PALS1: variants seen among roughly 807,000 people sequenced by gnomAD.
The protein encoded by PALS1 is protein PALS1.
In PALS1, 31 loss-of-function variants were observed where a neutral mutation model predicts 78.9. The ratio of observed to expected loss-of-function variants is 0.39; its 90% confidence interval spans 0.30 to 0.53. The LOEUF (loss-of-function observed/expected upper bound fraction) is 0.53, where lower values mean the gene tolerates loss of function less well. Ranked by LOEUF, PALS1 falls within the 20% of genes least tolerant of loss-of-function variation. The pLI, the probability that PALS1 is intolerant of heterozygous loss-of-function variation, is 0.67. For synonymous variants in PALS1, 276 were observed against 270.9 expected, an observed-to-expected ratio of 1.02 and a Z score of -0.18; for missense variants, 704 against 826.5, an observed-to-expected ratio of 0.85 and a Z score of 1.82.
chr14:67,297,146 C>T (rs1449690084), intron 4 of PALS1, among the ~76,000 whole-genome samples: 1 of 152,120 alleles, frequency 6.6e-6, no homozygotes, highest in Non-Finnish European at 1.5e-5. Context: ...TAGCATCTTC[C>T]CTAATGGTGA....
chr14:67,269,652 A>G (rs1474219446), intron 1 of PALS1, 49 bp from the exon 2 acceptor site: 1 of 152,512 alleles, frequency 6.6e-6, no homozygotes, highest in African/African-American at 2.4e-5. Flanking sequence ...CCCCCAAAAC[A>G]CTGCAGACAT....
chr14:67,283,802 G>C (rs949436701), intron 3 of PALS1, among the ~76,000 whole-genome samples: 1 of 152,130 alleles, frequency 6.6e-6, no homozygotes, highest in Non-Finnish European at 1.5e-5. Context: ...AAAAGTAACT[G>C]CTACATCATT....
chr14:67,301,874 A>G (rs2084936575), intron 5 of PALS1, 98 bp from the exon 6 acceptor site: 1 of 1,291,248 alleles, frequency 7.7e-7, no homozygotes, highest in African/African-American at 1.5e-5. Flanking sequence ...ACACTTTTAA[A>G]GATTTAATGG....
At chr14:67,323,472 G>A (rs1163019865) in intron 13 of PALS1, among the ~76,000 whole-genome samples, 2 of 151,576 alleles carry the variant, frequency 1.3e-5, no homozygotes, top group African/African-American at 2.4e-5. Flanking sequence ...AAAGTTAGCT[G>A]AACATGGTGG....
intron 1 of PALS1, among the ~76,000 whole-genome samples, chr14:67,244,466 GCTT>G (rs2083956610): frequency 6.6e-6 from 1 of 152,140 alleles, no homozygotes; most frequent in African/African-American, 2.4e-5. Flanking sequence ...TGATATAATT[GCTT>G]CTTTTCTTTA....
At chr14:67,265,715 G>A (rs1271150394) in intron 1 of PALS1, among the ~76,000 whole-genome samples, 1 of 151,854 alleles carries the variant, frequency 6.6e-6, no homozygotes, top group Non-Finnish European at 1.5e-5. Context: ...AAATTAACCA[G>A]TTGCAGTGAC....
intron 9 of PALS1, among the ~76,000 whole-genome samples, chr14:67,316,063 A>C (rs143985113): frequency 3.0e-4 from 46 of 152,356 alleles, no homozygotes; most frequent in African/African-American, 1.1e-3. Flanking sequence ...GATTTTTAAG[A>C]ATCTCTGGCT....
intron 1 of PALS1, among the ~76,000 whole-genome samples, chr14:67,246,649 G>T (rs1184569075): frequency 1.8e-5 from 2 of 112,212 alleles, no homozygotes; most frequent in Non-Finnish European, 1.7e-5. Flanking sequence ...CCTACTATAG[G>T]TTTTTTTTTT....
chr14:67,259,600 AGACT>A (rs1324568872), intron 1 of PALS1, among the ~76,000 whole-genome samples: 3 of 152,016 alleles, frequency 2.0e-5, no homozygotes, highest in African/African-American at 7.2e-5. Flanking sequence ...CAACAGAGCA[AGACT>A]GTCTCTAAAT....
At position 67,277,370 on chromosome 14, in the gene PALS1, A is replaced by G. The variant is rs548929760; in HGVS notation, c.-153-1648A>G. On this transcript the variant is annotated intron_variant, in intron 2 of 14. Transcript: ENST00000261681. ...CATCCATTTTCCTGATTGTTGGACT[A>G]GTGGTTTTCCTGATAGCCTAGTTGG... 2.6e-5 allele frequency among the ~76,000 whole-genome samples: 4 copies of G among 152,316 alleles called. No homozygotes were observed. In the East Asian group the frequency reaches 5.8e-4, roughly 22 times the overall value.
In PALS1 at chr14:67,333,614, A is replaced by G. The variant is rs1595628047; in HGVS notation, c.*658A>G. 1 of 152,568 alleles carries G rather than the reference A, an allele frequency of 6.6e-6. No homozygotes were observed. The highest frequency in any genetic ancestry group is 2.4e-5 in the African/African-American group (1 of 41,410). 9.5% of individuals were successfully genotyped at this position (152,568 alleles called of 1,614,324 possible). A position where few individuals can be genotyped will look rare whatever the true frequency, so the allele number is the denominator to read the frequency against. On this transcript the variant is annotated 3_prime_UTR_variant, in exon 15 of 15. Transcript: ENST00000261681. ...TTTTTGCTCAGACTTTGTGGATCAG[A>G]CTCTACACTCAACACACTCTAATCT...
At position 67,320,410 on chromosome 14, in the gene PALS1, G is replaced by A. The variant is rs1285729536; in HGVS notation, c.1537+13G>A. Reference sequence around the variant, plus strand: ...TCTGCAGTTCCTCGTAAGTTTGAATGCATTCCCATTTTCCTGTGCTTTTCA... The same window carrying A: ...TCTGCAGTTCCTCGTAAGTTTGAATACATTCCCATTTTCCTGTGCTTTTCA... On this transcript the variant is annotated intron_variant, in intron 12 of 14. Coordinates refer to ENST00000261681, the MANE Select transcript of PALS1 (RefSeq NM_022474.4). 1.3e-6 allele frequency: 2 copies of A among 1,579,498 alleles called. No homozygotes were observed. Among genetic ancestry groups the A allele is most frequent in the South Asian group, 2.3e-5 (2 of 85,302 alleles).
Position 67,302,020 on chromosome 14 carries a change from G to C in PALS1, c.703G>C (p.Glu235Gln), listed in dbSNP as rs150341271. 1.2e-6 allele frequency: 2 copies of C among 1,610,244 alleles called. No individual in the cohort carries two copies. The highest frequency in any genetic ancestry group is 1.7e-6 in the Non-Finnish European group (2 of 1,178,256). The stretch of plus-strand genomic sequence containing the variant: ...GGTTGCTGAGCAGGAAATGCAGCTA[G>C]AGCCCATTACAGATGAGAGAGTTTA... ...DKVAEQEMQL[E>Q]PITDERVYES... The change falls in exon 6 of 15, where the codon GAG (glutamate) becomes CAG (glutamine). Residue 235 changes from glutamate (E) to glutamine (Q), a missense_variant. Coordinates refer to ENST00000261681, the MANE Select transcript of PALS1 (RefSeq NM_022474.4).
intron 1 of PALS1, among the ~76,000 whole-genome samples, chr14:67,259,746 C>T (rs2084205201): frequency 6.6e-6 from 1 of 151,824 alleles, no homozygotes; most frequent in South Asian, 2.1e-4. Flanking sequence ...TCCATCTATA[C>T]AAAAAATAAA....
chr14:67,278,641 T>G (rs2084548668), intron 2 of PALS1, among the ~76,000 whole-genome samples: 1 of 152,216 alleles, frequency 6.6e-6, no homozygotes, highest in Non-Finnish European at 1.5e-5. Flanking sequence ...GAGCATAAAG[T>G]ACAGTGTTGA....
intron 2 of PALS1, among the ~76,000 whole-genome samples, chr14:67,273,697 T>C (rs1048832247): frequency 3.9e-5 from 6 of 152,204 alleles, no homozygotes; most frequent in African/African-American, 1.4e-4. Flanking sequence ...GGAATTGCCA[T>C]ACTGTCTTCC....
intron 3 of PALS1, 200 bp downstream of exon 3, chr14:67,279,737 A>AC: frequency 2.2e-6 from 1 of 451,402 alleles, no homozygotes; most frequent in Non-Finnish European, 3.8e-6. Context: ...ATGTGGCTTA[A>AC]ATGTTAAGTC....
At chr14:67,267,595 G>A (rs190884317) in intron 1 of PALS1, among the ~76,000 whole-genome samples, 5 of 152,192 alleles carry the variant, frequency 3.3e-5, no homozygotes, top group Admixed American at 2.0e-4. Flanking sequence ...TTTTCAAAAC[G>A]GGTTTATTGA....
chr14:67,267,918 T>A (rs2140555652), intron 1 of PALS1, among the ~76,000 whole-genome samples: 1 of 152,242 alleles, frequency 6.6e-6, no homozygotes, highest in East Asian at 1.9e-4. Context: ...TTATTGCATT[T>A]TTTGTTTATC....
Sources: allele counts gnomAD v4.1 joint callset (sites outside exome capture counted in the v4.1 genomes callset), GRCh38; gene constraint gnomAD v4.1.1; transcripts MANE v1.5; gene names NCBI Gene and HGNC (gene_info 2026-07-23, HGNC 2026-07-21).